The following ARHGAP26 variants were observed in gnomAD, a reference collection of about 807,000 sequenced individuals.
ARHGAP26 encodes Rho GTPase activating protein 26, also known as rho GTPase-activating protein 26.
In ARHGAP26, 38 loss-of-function variants were observed where a neutral mutation model predicts 104.8. That is an observed-to-expected ratio of 0.36 (90% CI 0.28 to 0.48). The LOEUF is 0.48. Ranked by LOEUF, ARHGAP26 falls within the 20% of genes least tolerant of loss-of-function variation. The pLI, the probability that ARHGAP26 is intolerant of heterozygous loss-of-function variation, is 0.99. For synonymous variants in ARHGAP26, 341 were observed against 340.0 expected (o/e 1.00, Z -0.03); for missense variants, 704 against 947.9 (o/e 0.74, Z 3.38).
At chr5:143,125,062 A>G (rs891355423) in intron 18 of ARHGAP26, among the ~76,000 whole-genome samples, 1 of 152,156 alleles carries the variant, frequency 6.6e-6, no homozygotes, top group Non-Finnish European at 1.5e-5. Context: ...TGGAGAACCA[A>G]CTCATAAATA....
At chr5:142,951,017 CCCTTTCTCTTTCCCTTTCCCTTT>C (rs1768285490) in intron 11 of ARHGAP26, among the ~76,000 whole-genome samples, 3 of 146,708 alleles carry the variant, frequency 2.0e-5, no homozygotes, top group Non-Finnish European at 3.0e-5. Context: ...CTTTCCCTTT[CCCTTTCTCTTTCCCTTTCCCTTT>C]CCCTTCCCCT....
At chr5:143,178,301 G>A (rs548738463) in intron 20 of ARHGAP26, among the ~76,000 whole-genome samples, 94 of 152,102 alleles carry the variant, frequency 6.2e-4, no homozygotes, top group African/African-American at 2.3e-3. Context: ...TGCCCAGCCT[G>A]TGTGGCAGTC....
chr5:143,063,134 C>T (rs1388858968), intron 17 of ARHGAP26, among the ~76,000 whole-genome samples: 1 of 152,212 alleles, frequency 6.6e-6, no homozygotes, highest in Non-Finnish European at 1.5e-5. Flanking sequence ...GATACCCCCA[C>T]GCAGCCACAT....
intron 1 of ARHGAP26, among the ~76,000 whole-genome samples, chr5:142,834,966 A>G (rs548618294): frequency 6.6e-6 from 1 of 152,334 alleles, no homozygotes; most frequent in African/African-American, 2.4e-5. Context: ...ACAGAGCTCT[A>G]TAATACTGAG....
At chr5:143,093,639 T>C (rs1791816501) in intron 17 of ARHGAP26, among the ~76,000 whole-genome samples, 1 of 151,982 alleles carries the variant, frequency 6.6e-6, no homozygotes, top group Non-Finnish European at 1.5e-5. Context: ...TCTCTCTGCC[T>C]CTTTCTCTCT....
chr5:143,058,117 G>C (rs1420744292), intron 17 of ARHGAP26: 2 of 455,524 alleles, frequency 4.4e-6, no homozygotes, highest in Admixed American at 6.7e-5. Context: ...ATATGTTGTG[G>C]GTTTACAGAA....
intron 19 of ARHGAP26, among the ~76,000 whole-genome samples, chr5:143,137,072 C>T (rs1197764428): frequency 1.3e-5 from 2 of 152,172 alleles, no homozygotes; most frequent in Non-Finnish European, 2.9e-5. Context: ...AAGCAACTCA[C>T]TTCTTTCCCT....
chr5:142,960,706 A>G (rs894162829), intron 11 of ARHGAP26, among the ~76,000 whole-genome samples: 2 of 152,220 alleles, frequency 1.3e-5, no homozygotes, highest in South Asian at 2.1e-4. Flanking sequence ...TTTATTGAGA[A>G]AAGTAGTTCA....
intron 17 of ARHGAP26, among the ~76,000 whole-genome samples, chr5:143,103,909 G>A (rs1204717069): frequency 1.3e-5 from 2 of 151,784 alleles, no homozygotes; most frequent in Non-Finnish European, 2.9e-5. Context: ...AGCACATTCT[G>A]CACGTGTATC....
At chr5:143,161,004 ATTTTTTT>A (rs11361288) in intron 20 of ARHGAP26, among the ~76,000 whole-genome samples, 2 of 93,544 alleles carry the variant, frequency 2.1e-5, no homozygotes, top group Non-Finnish European at 4.2e-5. Flanking sequence ...GCTATTTCAG[ATTTTTTT>A]TTTTTTTTTT....
intron 19 of ARHGAP26, among the ~76,000 whole-genome samples, chr5:143,142,418 G>A (rs1449097185): frequency 6.6e-6 from 1 of 151,944 alleles, no homozygotes; most frequent in Non-Finnish European, 1.5e-5. Flanking sequence ...GGGATTACAA[G>A]CATGAGCCAC....
At chr5:142,972,879 G>T (rs1426659819) in intron 11 of ARHGAP26, among the ~76,000 whole-genome samples, 2 of 146,684 alleles carry the variant, frequency 1.4e-5, no homozygotes, top group Non-Finnish European at 1.5e-5. Context: ...TTTTTTTTCA[G>T]ATTTTACATA....
At chr5:143,039,872 G>C (rs991284320) in intron 13 of ARHGAP26, among the ~76,000 whole-genome samples, 3 of 152,188 alleles carry the variant, frequency 2.0e-5, no homozygotes, top group African/African-American at 7.2e-5. Flanking sequence ...AATGAAAATG[G>C]AAATGATGTA....
chr5:142,833,348 A>G (rs745401220), intron 1 of ARHGAP26, among the ~76,000 whole-genome samples: 31 of 151,932 alleles, frequency 2.0e-4, no homozygotes, highest in Non-Finnish European at 2.9e-4. Context: ...GGCATGAGCC[A>G]CTGTGCCTGG....
At chr5:142,798,772 C>T (rs1761491516) in intron 1 of ARHGAP26, among the ~76,000 whole-genome samples, 1 of 152,208 alleles carries the variant, frequency 6.6e-6, no homozygotes, top group Non-Finnish European at 1.5e-5. Context: ...CCCCATGCTT[C>T]TCCTTTTTCT....
At chr5:143,066,032 A>G (rs1023555024) in intron 17 of ARHGAP26, among the ~76,000 whole-genome samples, 1 of 152,208 alleles carries the variant, frequency 6.6e-6, no homozygotes, top group Non-Finnish European at 1.5e-5. Context: ...CTTTATGTAC[A>G]GTCATGCGCC....
intron 20 of ARHGAP26, among the ~76,000 whole-genome samples, chr5:143,154,411 C>A (rs143222099): frequency 6.6e-6 from 1 of 152,130 alleles, no homozygotes; most frequent in Non-Finnish European, 1.5e-5. Flanking sequence ...AAATTAAGAT[C>A]ATCTTTTACT....
intron 17 of ARHGAP26, among the ~76,000 whole-genome samples, chr5:143,059,935 C>G (rs1382636460): frequency 1.3e-5 from 2 of 152,132 alleles, no homozygotes; most frequent in African/African-American, 4.8e-5. Context: ...TAAAATGTCC[C>G]TGTGGAGAAG....
At chr5:142,819,572 C>G (rs542028582) in intron 1 of ARHGAP26, among the ~76,000 whole-genome samples, 1 of 152,206 alleles carries the variant, frequency 6.6e-6, no homozygotes. Context: ...AAAATCCTCA[C>G]ATGGTTCCAG....
Sources: allele counts gnomAD v4.1 joint callset (sites outside exome capture counted in the v4.1 genomes callset), GRCh38; gene constraint gnomAD v4.1.1; transcripts MANE v1.5; gene names NCBI Gene and HGNC (gene_info 2026-07-23, HGNC 2026-07-21).